UQCC1: variants seen among roughly 807,000 people sequenced by gnomAD.
UQCC1 encodes the protein bFGF-repressed Zic-binding protein.
UQCC1 carries 38 observed loss-of-function variants against 48.0 expected under a neutral mutation model. That is an observed-to-expected ratio of 0.79 (90% CI 0.61 to 1.04). The LOEUF (loss-of-function observed/expected upper bound fraction) is 1.04. Among genes scored for constraint, UQCC1 ranks in the 50% least tolerant of loss-of-function variants. The probability of loss-of-function intolerance (pLI) is 0.00; values close to 1 mark genes in which losing one functional copy is unlikely to be tolerated. For missense variants in UQCC1, 368 were observed against 381.8 expected (o/e 0.96, Z 0.30); for synonymous variants, 111 against 129.2 (o/e 0.86, Z 0.95).
chr20:35,322,721 G>A (rs1489771396), intron 7 of UQCC1, among the ~76,000 whole-genome samples: 2 of 152,082 alleles, frequency 1.3e-5, no homozygotes, highest in African/African-American at 4.8e-5. Context: ...AACTGAGCAA[G>A]ACTCTGTCTC....
At chr20:35,328,793 A>G (rs929732468) in intron 7 of UQCC1, among the ~76,000 whole-genome samples, 1 of 152,202 alleles carries the variant, frequency 6.6e-6, no homozygotes, top group Non-Finnish European at 1.5e-5. Flanking sequence ...GCCCTGGGAT[A>G]ACTCCTGGAA....
intron 7 of UQCC1, among the ~76,000 whole-genome samples, chr20:35,318,495 G>T (rs2061087563): frequency 6.6e-6 from 1 of 152,170 alleles, no homozygotes; most frequent in Non-Finnish European, 1.5e-5. Flanking sequence ...GTTGGCTACT[G>T]CCCAGGAAAA....
intron 8 of UQCC1, among the ~76,000 whole-genome samples, chr20:35,312,449 C>T (rs2061005079): frequency 6.6e-6 from 1 of 152,038 alleles, no homozygotes; most frequent in African/African-American, 2.4e-5. Context: ...AGCACTATGC[C>T]AGGCCACAGA....
intron 7 of UQCC1, among the ~76,000 whole-genome samples, chr20:35,341,240 A>C (rs911215263): frequency 6.7e-6 from 1 of 148,842 alleles, no homozygotes; most frequent in Non-Finnish European, 1.5e-5. Context: ...AAAAAAAAAG[A>C]AAGAAAGAAA....
At chr20:35,408,991 T>G (rs1255563424) in intron 1 of UQCC1, among the ~76,000 whole-genome samples, 1 of 152,192 alleles carries the variant, frequency 6.6e-6, no homozygotes, top group African/African-American at 2.4e-5. Flanking sequence ...CACAAAGTAG[T>G]TAAACTCACG....
Position 35,391,613 on chromosome 20 carries a change from G to A in UQCC1, c.129+2479C>T, listed in dbSNP as rs548323851. 5.6e-5 allele frequency among the ~76,000 whole-genome samples: 8 copies of A among 141,668 alleles called. No homozygotes were observed. The South Asian group carries it at 1.4e-3, about 25-fold the overall frequency. The allele number at this position is 141,668 out of a possible 152,430, so 92.9% of individuals were successfully genotyped here. A position where few individuals can be genotyped will look rare whatever the true frequency, so the allele number is the denominator to read the frequency against. On this transcript the variant is annotated intron_variant, in intron 2 of 9. Transcript: ENST00000374385. ...CAAGATAGTGTCATCCACCCTGGAC[G>A]ACAGAGTGGGACTCTGTCTTAAAAA...
At chr20:35,370,236 T>G (rs1031359529) in intron 5 of UQCC1, among the ~76,000 whole-genome samples, 1 of 147,026 alleles carries the variant, frequency 6.8e-6, no homozygotes, top group African/African-American at 2.5e-5. Flanking sequence ...TCTTGTTTCT[T>G]TTTTTTTTTT....
At chr20:35,306,305 T>G (rs2060927693) in intron 9 of UQCC1, 2 of 221,396 alleles carry the variant, frequency 9.0e-6, no homozygotes, top group Admixed American at 5.2e-5. Context: ...GGGTCCACAG[T>G]GGGCAGCTGC....
At chr20:35,346,807 TG>T in intron 7 of UQCC1, 2 of 593,426 alleles carry the variant, frequency 3.4e-6, no homozygotes, top group South Asian at 4.3e-5. Flanking sequence ...ATAGAAGGAC[TG>T]GTTCAAATAT....
At chr20:35,372,215 G>A (rs890175224) in intron 5 of UQCC1, among the ~76,000 whole-genome samples, 35 of 151,784 alleles carry the variant, frequency 2.3e-4, no homozygotes, top group African/African-American at 8.5e-4. Flanking sequence ...GGGAGGCTGA[G>A]GCAGAATTGC....
chr20:35,372,683 T>G (rs6142360), intron 5 of UQCC1, among the ~76,000 whole-genome samples: 2 of 152,050 alleles, frequency 1.3e-5, no homozygotes. Context: ...CTGGCCAACA[T>G]AGCCAAACCC....
At chr20:35,349,117 T>C (rs1343163533) in intron 6 of UQCC1, among the ~76,000 whole-genome samples, 2 of 152,218 alleles carry the variant, frequency 1.3e-5, no homozygotes, top group African/African-American at 4.8e-5. Flanking sequence ...CTACCAGCAA[T>C]AGTAATGGTA....
chr20:35,406,396 A>G (rs1403796503), intron 1 of UQCC1, among the ~76,000 whole-genome samples: 1 of 152,252 alleles, frequency 6.6e-6, no homozygotes, highest in Admixed American at 6.5e-5. Flanking sequence ...CAAGAACATT[A>G]ACAGTGGATT....
At chr20:35,384,648 T>TAAAAAA in intron 2 of UQCC1, 8 of 382,920 alleles carry the variant, frequency 2.1e-5, no homozygotes, top group Admixed American at 2.9e-5. Flanking sequence ...ACCCTGTCTG[T>TAAAAAA]AAAAAAAAAA....
At chr20:35,341,531 G>A (rs1183569729) in intron 7 of UQCC1, among the ~76,000 whole-genome samples, 1 of 152,158 alleles carries the variant, frequency 6.6e-6, no homozygotes, top group East Asian at 1.9e-4. Context: ...CACCTATTCA[G>A]GAAAGGGGCA....
At chr20:35,337,307 G>C (rs1034479818) in intron 7 of UQCC1, among the ~76,000 whole-genome samples, 2 of 151,910 alleles carry the variant, frequency 1.3e-5, no homozygotes, top group African/African-American at 4.8e-5. Flanking sequence ...TCCTGCCTCA[G>C]CCTCCCAAGT....
chr20:35,333,116 A>AT (rs200981714), intron 7 of UQCC1, among the ~76,000 whole-genome samples: 2,096 of 148,568 alleles, frequency 0.014, 34 homozygotes, highest in African/African-American at 0.047. Flanking sequence ...AAAAGAGCCA[A>AT]TTTTTTTTTT....
intron 7 of UQCC1, 76 bp from the exon 8 acceptor site, chr20:35,314,841 T>C: frequency 1.7e-6 from 2 of 1,194,630 alleles, no homozygotes; most frequent in South Asian, 1.5e-5. Flanking sequence ...TCTTTGACTC[T>C]TAGCTGTCAC....
intron 8 of UQCC1, among the ~76,000 whole-genome samples, chr20:35,314,240 C>G (rs566368693): frequency 7.2e-5 from 11 of 151,916 alleles, no homozygotes; most frequent in Non-Finnish European, 1.3e-4. Flanking sequence ...CTGGGAGCCA[C>G]TGCGCCCAGC....
Sources: gnomAD v4.1 joint callset for allele counts (sites outside exome capture counted in the v4.1 genomes callset) on GRCh38, gnomAD v4.1.1 for gene constraint, MANE v1.5 for transcripts, NCBI Gene and HGNC (gene_info 2026-07-23, HGNC 2026-07-21) for gene names.